Variants in FGF1 observed in about 807,000 individuals in gnomAD.
FGF1 encodes beta-endothelial cell growth factor.
A neutral mutation model predicts 13.4 loss-of-function variants in FGF1; 9 were observed. The observed-to-expected ratio is 0.67, with a 90% CI of 0.40 to 1.17. The LOEUF (loss-of-function observed/expected upper bound fraction) is 1.17. FGF1 is among the 50% of genes most tolerant of loss of function. The probability of loss-of-function intolerance (pLI) is 0.01; values close to 1 mark genes in which losing one functional copy is unlikely to be tolerated. For missense variants in FGF1, 156 were observed against 192.7 expected, an observed-to-expected ratio of 0.81 and a Z score of 1.13; for synonymous variants, 93 against 79.0, an observed-to-expected ratio of 1.18 and a Z score of -0.94.
At chr5:142,647,440 T>C (rs1766371310) in intron 1 of FGF1, among the ~76,000 whole-genome samples, 1 of 152,202 alleles carries the variant, frequency 6.6e-6, no homozygotes, top group Non-Finnish European at 1.5e-5. Context: ...CGCGTTGAGG[T>C]AGTCAGTACT....
chr5:142,694,549 C>T (rs940741407), intron 2 of FGF1, among the ~76,000 whole-genome samples: 11 of 152,148 alleles, frequency 7.2e-5, no homozygotes, highest in African/African-American at 2.4e-4. Context: ...CAAGAAATCA[C>T]CATCTCAAGA....
At chr5:142,655,044 T>G (rs896540598) in intron 1 of FGF1, among the ~76,000 whole-genome samples, 1 of 152,250 alleles carries the variant, frequency 6.6e-6, no homozygotes. Flanking sequence ...TTTTCGTTTA[T>G]GCTGCTTCCT....
chr5:142,617,168 C>T (rs371204459), intron 1 of FGF1, among the ~76,000 whole-genome samples: 1 of 152,014 alleles, frequency 6.6e-6, no homozygotes, highest in East Asian at 1.9e-4. Flanking sequence ...CGTTCAAGAC[C>T]AGTCTGGCCA....
At chr5:142,608,877 G>A (rs1758423486) in intron 2 of FGF1, among the ~76,000 whole-genome samples, 1 of 151,548 alleles carries the variant, frequency 6.6e-6, no homozygotes, top group Non-Finnish European at 1.5e-5. Flanking sequence ...GGGGAGGAGG[G>A]CAAGGAGTCC....
At chr5:142,686,865 A>G (rs965111850), upstream of FGF1, among the ~76,000 whole-genome samples, 29 of 152,244 alleles carry the variant, frequency 1.9e-4, no homozygotes, top group African/African-American at 6.3e-4. Context: ...GGTGAGCTCA[A>G]CTTCAGGGGT....
At chr5:142,609,881 C>T (rs555412928) in intron 2 of FGF1, among the ~76,000 whole-genome samples, 1 of 152,254 alleles carries the variant, frequency 6.6e-6, no homozygotes, top group Admixed American at 6.5e-5. Flanking sequence ...AAGTAACTGT[C>T]CCAGGATGAT....
intron 1 of FGF1, among the ~76,000 whole-genome samples, chr5:142,633,136 G>A (rs1488488447): frequency 6.6e-6 from 1 of 152,074 alleles, no homozygotes; most frequent in Non-Finnish European, 1.5e-5. Context: ...GGCCAAGAAG[G>A]TCTCAATCTC....
intron 3 of FGF1, 123 bp downstream of exon 3, chr5:142,600,579 T>A: frequency 1.4e-6 from 1 of 731,000 alleles, no homozygotes; most frequent in South Asian, 1.6e-5. Context: ...GTGGGAATCC[T>A]TCTGGAAAAA....
At chr5:142,630,002 T>C (rs1000463893) in intron 1 of FGF1, among the ~76,000 whole-genome samples, 1 of 151,714 alleles carries the variant, frequency 6.6e-6, no homozygotes, top group African/African-American at 2.4e-5. Flanking sequence ...CAAGTGATTC[T>C]CCTGCCTCAG....
At chr5:142,622,333 A>C (rs1434832635) in intron 1 of FGF1, among the ~76,000 whole-genome samples, 1 of 152,196 alleles carries the variant, frequency 6.6e-6, no homozygotes, top group African/African-American at 2.4e-5. Flanking sequence ...TGTTGATTGA[A>C]GGGCCAGTCC....
chr5:142,619,663 G>A (rs192485243), intron 1 of FGF1, among the ~76,000 whole-genome samples: 30 of 152,134 alleles, frequency 2.0e-4, no homozygotes, highest in East Asian at 7.7e-4. Flanking sequence ...GAGAAACCCC[G>A]TCTCTACTAA....
Position 142,614,247 on chromosome 5 carries a change from C to A in FGF1, c.-34-86G>T, listed in dbSNP as rs1046013200. 8.4e-5 allele frequency: 90 copies of A among 1,069,404 alleles called. No individual in the cohort carries two copies. In the African/African-American group the frequency reaches 1.3e-3, roughly 16 times the overall value. 66.2% of individuals were successfully genotyped at this position (1,069,404 alleles called of 1,614,324 possible). ...GAAGAGAGGAAGGACAGCTCCAGGG[C>A]ACAGGGTTCCCGGGTAGTGAGTAAG... is the stretch of plus-strand genomic sequence containing the variant. On this transcript the variant is annotated intron_variant, in intron 1 of 3. Transcript: ENST00000337706.
Position 142,682,691 on chromosome 5 carries a change from C to T in FGF1, c.-35+3266G>A, listed in dbSNP as rs114862043. On this transcript the variant is annotated intron_variant, in intron 1 of 3. Transcript: ENST00000337706. ...TATTAAAAAGGAAAGGGGAAAACAA[C>T]GAAAAAGTTAAAGACAGAGAAATGT... Among the ~76,000 whole-genome samples, 869 of 152,194 alleles carry T rather than the reference C, an allele frequency of 5.7e-3. 6 individuals carry two copies. Among genetic ancestry groups the T allele is most frequent in the African/African-American group, 0.02 (818 of 41,520 alleles).
At position 142,675,633 on chromosome 5, in the gene FGF1, C is replaced by A. The variant is rs185974885; in HGVS notation, c.-35+10324G>T. 2.6e-4 allele frequency among the ~76,000 whole-genome samples: 39 copies of A among 152,312 alleles called. 1 individual carries two copies. The highest frequency in any genetic ancestry group is 9.4e-4 in the African/African-American group (39 of 41,564). On this transcript the variant is annotated intron_variant, in intron 1 of 3. Transcript: ENST00000337706. Reference sequence around the variant, plus strand: ...CTTGAATTTAACCTCCACCACCGTCCGTCCGCTGAGACAGGAGCTCTTACA... The same window carrying A: ...CTTGAATTTAACCTCCACCACCGTCAGTCCGCTGAGACAGGAGCTCTTACA...
At chr5:142,692,574 G>T (rs539464736) in intron 2 of FGF1, among the ~76,000 whole-genome samples, 2 of 151,842 alleles carry the variant, frequency 1.3e-5, no homozygotes, top group Admixed American at 6.6e-5. Flanking sequence ...CCCCAAGCAG[G>T]TTATGAAATA....
chr5:142,694,116 T>TATC lies in FGF1; in HGVS notation c.-35+3503_-35+3505dup, dbSNP rs1188385588. 2.6e-5 allele frequency among the ~76,000 whole-genome samples: 4 copies of TATC among 151,914 alleles called. No individual in the cohort carries two copies. The East Asian group carries it at 7.7e-4, about 29-fold the overall frequency. ...CTATCTATCTATCTATCTATCTATC[T>TATC]ATCTATCTATCTATCTATCTATGTC... On this transcript the variant is annotated intron_variant, in intron 2 of 4. Transcript: ENST00000407758.
chr5:142,669,445 T>C (rs1030218446), intron 1 of FGF1, among the ~76,000 whole-genome samples: 1 of 152,052 alleles, frequency 6.6e-6, no homozygotes, highest in Non-Finnish European at 1.5e-5. Context: ...TGAATTGAAA[T>C]AGACAAAAGA....
chr5:142,595,719 C>T (rs1219790706), intron 3 of FGF1, among the ~76,000 whole-genome samples: 1 of 152,208 alleles, frequency 6.6e-6, no homozygotes, highest in East Asian at 1.9e-4. Flanking sequence ...TTGTAAACTT[C>T]CTTTCCATTT....
chr5:142,635,505 C>G (rs989877984), intron 1 of FGF1, among the ~76,000 whole-genome samples: 21 of 152,230 alleles, frequency 1.4e-4, no homozygotes, highest in African/African-American at 4.8e-4. Flanking sequence ...CTTCATTTTT[C>G]TGCATGTCCG....
Sources: allele counts gnomAD v4.1 joint callset (sites outside exome capture counted in the v4.1 genomes callset), GRCh38; gene constraint gnomAD v4.1.1; transcripts MANE v1.5; gene names NCBI Gene and HGNC (gene_info 2026-07-23, HGNC 2026-07-21).